LIFR: variants seen among roughly 807,000 people sequenced by gnomAD.
LIFR encodes LIF receptor subunit alpha.
Under a neutral mutation model 122.2 loss-of-function variants are expected in LIFR, and 84 were observed. That is an observed-to-expected ratio of 0.69 (90% confidence interval 0.58 to 0.82). The LOEUF (loss-of-function observed/expected upper bound fraction) is 0.82. Ranked by LOEUF, LIFR falls within the 40% of genes least tolerant of loss-of-function variation. The pLI is 0.00. For synonymous variants in LIFR, 422 were observed against 434.7 expected (o/e 0.97, Z 0.36); for missense variants, 1,294 against 1,311.6 (o/e 0.99, Z 0.21).
At chr5:38,494,271 CCT>C (rs1462251038) in intron 13 of LIFR, among the ~76,000 whole-genome samples, 1 of 152,124 alleles carries the variant, frequency 6.6e-6, no homozygotes, top group Non-Finnish European at 1.5e-5. Context: ...GAACTAGCCC[CCT>C]CTTTCTTTCA....
intron 6 of LIFR, 45 bp from the exon 7 acceptor site, chr5:38,510,763 T>C (rs1413462907): frequency 1.3e-6 from 2 of 1,526,758 alleles, no homozygotes; most frequent in Admixed American, 3.5e-5. Context: ...ATAGAAGTAT[T>C]TTACATAAAC....
intron 1 of LIFR, among the ~76,000 whole-genome samples, chr5:38,575,750 T>C (rs1023716410): frequency 1.3e-5 from 2 of 152,120 alleles, no homozygotes; most frequent in Non-Finnish European, 2.9e-5. Context: ...CTCTTCTCCA[T>C]CCTCTGTAGG....
chr5:38,553,328 C>T (rs557485441), intron 1 of LIFR, among the ~76,000 whole-genome samples: 2 of 152,188 alleles, frequency 1.3e-5, no homozygotes, highest in East Asian at 3.9e-4. Flanking sequence ...CTGTCCCATT[C>T]TGCCATGCAA....
At chr5:38,558,342 A>G (rs1192878555), upstream of LIFR, 1 of 152,172 alleles carries the variant, frequency 6.6e-6, no homozygotes, top group Non-Finnish European at 1.5e-5. Flanking sequence ...AGAATATTAC[A>G]TAAAATGCTC....
chr5:38,482,755 A>G (rs1744065165), intron 18 of LIFR, 88 bp from the exon 19 acceptor site: 2 of 586,576 alleles, frequency 3.4e-6, no homozygotes, highest in South Asian at 5.4e-5. Flanking sequence ...ATTTTGAAGT[A>G]TTTATGAATC....
intron 2 of LIFR, among the ~76,000 whole-genome samples, chr5:38,604,637 G>A (rs746048678): frequency 2.0e-5 from 3 of 151,910 alleles, no homozygotes; most frequent in Non-Finnish European, 4.4e-5. Flanking sequence ...GGAGGCGGAG[G>A]TTGCAGTGAG....
chr5:38,474,702 T>C lies in LIFR; in HGVS notation c.*6893A>G, dbSNP rs534461602. ...AGACCAGTATTTATTATTTATTTGC[T>C]AATGTTGGATTCCCACTATTTGATT... On this transcript the variant is annotated 3_prime_UTR_variant, in exon 20 of 20. Coordinates refer to ENST00000453190, the MANE Select transcript of LIFR (RefSeq NM_001127671.2). Among the ~76,000 whole-genome samples the C allele has an allele frequency of 6.0e-4, 91 of 152,334 alleles. 1 individual carries two copies. The highest frequency in any genetic ancestry group is 1.4e-3 in the Admixed American group (22 of 15,306).
At chr5:38,493,146 T>G (rs1744688578) in intron 14 of LIFR, among the ~76,000 whole-genome samples, 1 of 151,916 alleles carries the variant, frequency 6.6e-6, no homozygotes, top group South Asian at 2.1e-4. Flanking sequence ...CTCCCTAACC[T>G]TGGTAACCTG....
At position 38,506,716 on chromosome 5, in the gene LIFR, C is replaced by T. The variant is rs1398280375; in HGVS notation, c.992-84G>A. On this transcript the variant is annotated intron_variant, in intron 7 of 19. Transcript: ENST00000453190. ...ATTTTATAAACGTCAATGTTTTCCA[C>T]AATTTCCTAAAAAATGAAATAATTT... The T allele has an allele frequency of 4.0e-5, 46 of 1,148,212 alleles. No homozygotes were observed. The Admixed American group carries it at 8.9e-4, about 22-fold the overall frequency. 71.1% of individuals were successfully genotyped at this position (1,148,212 alleles called of 1,614,324 possible). A position where few individuals can be genotyped will look rare whatever the true frequency, so the allele number is the denominator to read the frequency against.
In LIFR at chr5:38,584,352, A is replaced by G. The variant is rs1405694027; in HGVS notation, c.-20+10909T>C. Among the ~76,000 whole-genome samples, 182 of 152,154 alleles carry G rather than the reference A, an allele frequency of 1.2e-3. 2 individuals are homozygous for G. The highest frequency in any genetic ancestry group is 1.9e-4 in the Non-Finnish European group (13 of 68,024). ...ACCCAGCAATCCCTCTTCTGGGTAT[A>G]CACACAAAGATGAAATCACCCACTC... On this transcript the variant is annotated intron_variant, in intron 1 of 19. Transcript: ENST00000263409.
At chr5:38,509,055 T>C (rs1745652755) in intron 7 of LIFR, among the ~76,000 whole-genome samples, 1 of 152,220 alleles carries the variant, frequency 6.6e-6, no homozygotes, top group South Asian at 2.1e-4. Flanking sequence ...TGTACAATAT[T>C]TCAACCTCCA....
intron 1 of LIFR, among the ~76,000 whole-genome samples, chr5:38,568,571 T>C (rs1279249405): frequency 2.0e-5 from 3 of 151,452 alleles, no homozygotes; most frequent in Non-Finnish European, 4.4e-5. Flanking sequence ...GTGTGAGGAG[T>C]AGATTATAGG....
chr5:38,514,030 C>A (rs1436384387), intron 5 of LIFR, among the ~76,000 whole-genome samples: 1 of 151,724 alleles, frequency 6.6e-6, no homozygotes, highest in Non-Finnish European at 1.5e-5. Flanking sequence ...AAAAAAATAA[C>A]ATAAATCCTT....
At chr5:38,561,943 T>C (rs998899869) in intron 1 of LIFR, among the ~76,000 whole-genome samples, 3 of 152,208 alleles carry the variant, frequency 2.0e-5, no homozygotes, top group Non-Finnish European at 4.4e-5. Flanking sequence ...TAACATTTGC[T>C]TAACTCCCTG....
chr5:38,588,539 C>T (rs1175133128), intron 1 of LIFR, among the ~76,000 whole-genome samples: 1 of 152,108 alleles, frequency 6.6e-6, no homozygotes, highest in African/African-American at 2.4e-5. Flanking sequence ...TTCTTCCCTA[C>T]TTGTTTTTTA....
At chr5:38,541,434 G>T (rs1747586860) in intron 1 of LIFR, among the ~76,000 whole-genome samples, 1 of 152,132 alleles carries the variant, frequency 6.6e-6, no homozygotes, top group Non-Finnish European at 1.5e-5. Flanking sequence ...GGAAAAGCAA[G>T]GATCAGAAAC....
chr5:38,556,331 C>G lies in LIFR; in HGVS notation c.-20+3G>C, dbSNP rs1748541878. 1 of 152,164 alleles carries G rather than the reference C, an allele frequency of 6.6e-6. No homozygotes were observed. The allele number at this position is 152,164 out of a possible 1,614,324, so 9.4% of individuals were successfully genotyped here. A position where few individuals can be genotyped will look rare whatever the true frequency, so the allele number is the denominator to read the frequency against. On this transcript the variant is annotated splice_donor_region_variant and intron_variant, in intron 1 of 19. Transcript: ENST00000453190. ...GCCGCGCCCACCCGCCCCCAGGACT[C>G]ACGGTACGCTCCCGCGCCGCTATCT...
rs1301207497 is a variant in LIFR, at chr5:38,497,199, C to CT, written c.1672-605dup. Among the ~76,000 whole-genome samples the CT allele has an allele frequency of 7.2e-5, 11 of 152,300 alleles. No homozygotes were observed. The South Asian group carries it at 2.3e-3, about 32-fold the overall frequency. ...TCAGGAGGCTGAGGCGGGAGAATCA[C>CT]TTGAACCTGGCAGGTGGAGGTCACA... is the stretch of plus-strand genomic sequence containing the variant. On this transcript the variant is annotated intron_variant, in intron 12 of 19. Coordinates refer to ENST00000453190, the MANE Select transcript of LIFR (RefSeq NM_001127671.2).
Position 38,506,597 on chromosome 5 carries a change from T to C in LIFR, c.1027A>G (p.Thr343Ala). The C allele has an allele frequency of 6.2e-7, 1 of 1,613,638 alleles. No individual in the cohort carries two copies. The highest frequency in any genetic ancestry group is 1.7e-4 in the Middle Eastern group (1 of 6,060). ...PDTPQQLNCE[T>A]HDLKEIICSW... ...CATATAATTTCTTTTAAATCATGTGTCTCACAATTCAGTTGTTGAGGAGTA... is the reference window on the plus strand; with the variant it reads ...CATATAATTTCTTTTAAATCATGTGCCTCACAATTCAGTTGTTGAGGAGTA... The change falls in exon 8 of 20, where the codon ACA becomes GCA. Residue 343 changes from threonine to alanine, a missense_variant. Thr to Ala is a moderately conservative substitution (Grantham distance 58). Coordinates refer to ENST00000453190, the MANE Select transcript of LIFR (RefSeq NM_001127671.2).
Sources: allele counts gnomAD v4.1 joint callset (sites outside exome capture counted in the v4.1 genomes callset), GRCh38; gene constraint gnomAD v4.1.1; transcripts MANE v1.5; gene names NCBI Gene and HGNC (gene_info 2026-07-23, HGNC 2026-07-21).